TINCR: variants seen among roughly 807,000 people sequenced by gnomAD.
TINCR encodes the protein TINCR-encoded ubiquitin-like protein.
Position 5,565,805 on chromosome 19 carries a change from G to T in TINCR, c.260+1860C>A, listed in dbSNP as rs2052125538. ...GCTCGGTGACTCAAGCCTCTAGAGG[G>T]CTGGTGAATGTGACCCCCATAAAAT... On this transcript the variant is annotated intron_variant, in intron 1 of 1. Coordinates refer to ENST00000646160, the Ensembl canonical transcript of TINCR. The surrounding 1 kb of genome is among the most constrained non-coding windows in gnomAD (Gnocchi z 4.0). Among the ~76,000 whole-genome samples the T allele has an allele frequency of 6.6e-6, 1 of 152,154 alleles. No individual in the cohort carries two copies. The highest frequency in any genetic ancestry group is 1.5e-5 in the Non-Finnish European group (1 of 68,030).
intron 1 of TINCR, among the ~76,000 whole-genome samples, chr19:5,566,228 TAA>T (rs1395256529): frequency 1.3e-5 from 2 of 150,152 alleles, no homozygotes; most frequent in Non-Finnish European, 3.0e-5. Flanking sequence ...ACCAGAGAGA[TAA>T]AGAGACACAG....
rs117305966 is a variant in TINCR at position 5,565,516 on chromosome 19, C to T, written c.260+2149G>A. On this transcript the variant is annotated intron_variant, in intron 1 of 1. Transcript: ENST00000646160. The surrounding 1 kb of genome is among the most constrained non-coding windows in gnomAD (Gnocchi z 4.0). Reference sequence around the variant, plus strand: ...GCACACAGTAGGCACACAATAAATGCTGACTCTGTACTGCATAATTACAGT... The same window carrying T: ...GCACACAGTAGGCACACAATAAATGTTGACTCTGTACTGCATAATTACAGT... Among the ~76,000 whole-genome samples, 47 of 152,326 alleles carry T rather than the reference C, an allele frequency of 3.1e-4. No individual in the cohort carries two copies. In the East Asian group the frequency reaches 7.7e-3, roughly 25 times the overall value.
At chr19:5,558,744 T>C (rs1049200438), downstream of TINCR, 12 of 152,232 alleles carry the variant, frequency 7.9e-5, no homozygotes, top group African/African-American at 2.9e-4. Flanking sequence ...ATGGTGACAT[T>C]CAGTGGGGGC....
intron 1 of TINCR, 80 bp downstream of exon 1, chr19:5,567,585 G>T: frequency 2.7e-6 from 1 of 376,438 alleles, no homozygotes; most frequent in South Asian, 1.3e-4. Flanking sequence ...AGGCCGCCTT[G>T]GGCGCCCGCC....
chr19:5,567,649 C>T lies in TINCR; in HGVS notation c.260+16G>A, dbSNP rs2052138576. On this transcript the variant is annotated intron_variant, in intron 1 of 1. Transcript: ENST00000646160. ...CCGCCGCCCCCGCCCCACCCCACCC[C>T]GAGCCCCGCGGCCACCTGGGGTCGC... 2 of 357,472 alleles carry T rather than the reference C, an allele frequency of 5.6e-6. No individual in the cohort carries two copies. The highest frequency in any genetic ancestry group is 4.8e-5 in the Admixed American group (1 of 20,824). 22.1% of individuals were successfully genotyped at this position (357,472 alleles called of 1,614,324 possible). A position where few individuals can be genotyped will look rare whatever the true frequency, so the allele number is the denominator to read the frequency against.
intron 1 of TINCR, among the ~76,000 whole-genome samples, chr19:5,566,805 GAC>G (rs771505638): frequency 1.3e-5 from 2 of 151,758 alleles, no homozygotes; most frequent in Non-Finnish European, 2.9e-5. Flanking sequence ...GAGAGACAGA[GAC>G]ACACACACAG....
At position 5,563,448 on chromosome 19, in the gene TINCR, G is replaced by C. The variant is rs554746354; in HGVS notation, c.261-499C>G. The stretch of plus-strand genomic sequence containing the variant: ...ATAGAGGGGCTTGGGAGGAAGAGAG[G>C]AATAGACTGATGTCAATAAAATCAG... On this transcript the variant is annotated intron_variant, in intron 1 of 1. Coordinates refer to ENST00000646160, the Ensembl canonical transcript of TINCR. The surrounding 1 kb of genome is among the most constrained non-coding windows in gnomAD (Gnocchi z 4.7). Among the ~76,000 whole-genome samples the C allele has an allele frequency of 4.0e-4, 61 of 152,258 alleles. No homozygotes were observed. Among genetic ancestry groups the C allele is most frequent in the Non-Finnish European group, 7.9e-4 (54 of 68,010 alleles).
chr19:5,558,443 CCAAA>C (rs771015517), downstream of TINCR: 2 of 152,280 alleles, frequency 1.3e-5, no homozygotes, highest in African/African-American at 2.4e-5. Context: ...TAGGAGCTTG[CCAAA>C]CAAAGAAGGT....
In TINCR at chr19:5,566,186, CAGAGAA is replaced by C. The variant is rs554709357; in HGVS notation, c.260+1473_260+1478del. Among the ~76,000 whole-genome samples the C allele has an allele frequency of 1.3e-3, 192 of 152,036 alleles. 1 individual carries two copies. The highest frequency in any genetic ancestry group is 1.9e-3 in the Non-Finnish European group (132 of 67,984). On this transcript the variant is annotated intron_variant, in intron 1 of 1. Coordinates refer to ENST00000646160, the Ensembl canonical transcript of TINCR. ...GAAGAGAGAGACAGAGCTTCAGAGACAGAGAAAAACAGCAGAGAAAAATGCAGAGAC... is the reference window on the plus strand; with the variant it reads ...GAAGAGAGAGACAGAGCTTCAGAGACAAACAGCAGAGAAAAATGCAGAGAC...
At chr19:5,559,357 C>T (rs1423999858), downstream of TINCR, 1 of 140,506 alleles carries the variant, frequency 7.1e-6, no homozygotes, top group Non-Finnish European at 1.5e-5. Context: ...TTTTTTGAGA[C>T]GGAGTCTCGC....
chr19:5,566,384 G>C (rs1364608463), intron 1 of TINCR, among the ~76,000 whole-genome samples: 2 of 151,564 alleles, frequency 1.3e-5, no homozygotes, highest in Non-Finnish European at 2.9e-5. Flanking sequence ...GACACACAGA[G>C]AGAAAAAGAG....
intron 1 of TINCR, among the ~76,000 whole-genome samples, chr19:5,564,869 C>T (rs182551343): frequency 1.6e-4 from 24 of 152,240 alleles, no homozygotes; most frequent in Admixed American, 1.5e-3. Context: ...TGAACCATTG[C>T]GCCCAGCCAA....
chr19:5,566,368 A>C (rs1354845005), intron 1 of TINCR, among the ~76,000 whole-genome samples: 1 of 152,066 alleles, frequency 6.6e-6, no homozygotes, highest in Non-Finnish European at 1.5e-5. Context: ...ACAGAGAGAC[A>C]AAAGAGACAC....
Position 5,563,893 on chromosome 19 carries a change from C to T in TINCR, c.261-944G>A, listed in dbSNP as rs943788008. On this transcript the variant is annotated intron_variant, in intron 1 of 1. Transcript: ENST00000646160. This position sits in a 1 kb window ranked among gnomAD's most constrained non-coding sequence, Gnocchi z 4.7. Reference sequence around the variant, plus strand: ...TTGCGCCACTGCACTCCAGCCTGGGCGACAGAGCAAGACTCCCGTCTCAAA... The same window carrying T: ...TTGCGCCACTGCACTCCAGCCTGGGTGACAGAGCAAGACTCCCGTCTCAAA... Among the ~76,000 whole-genome samples the T allele has an allele frequency of 2.6e-5, 4 of 152,090 alleles. No homozygotes were observed. Among genetic ancestry groups the T allele is most frequent in the East Asian group, 1.9e-4 (1 of 5,164 alleles).
chr19:5,560,047 A>AC (rs1322674002), downstream of TINCR: 2 of 150,244 alleles, frequency 1.3e-5, no homozygotes, highest in African/African-American at 2.5e-5. This position sits in a 1 kb window ranked among gnomAD's most constrained non-coding sequence, Gnocchi z 4.5. Context: ...GGATAGGAAG[A>AC]CCCCCCTCCA....
chr19:5,558,522 G>C (rs549923802), downstream of TINCR: 1 of 152,476 alleles, frequency 6.6e-6, no homozygotes, highest in South Asian at 2.1e-4. Flanking sequence ...GGAGTAGCAG[G>C]AGAAAAACAG....
At chr19:5,559,157 A>T (rs1049518837), downstream of TINCR, 1 of 152,106 alleles carries the variant, frequency 6.6e-6, no homozygotes, top group Non-Finnish European at 1.5e-5. Context: ...CACCCTGAAA[A>T]TGCTTTCTCC....
chr19:5,567,649 C>CCCCCCCCCCCCCCCCCCCCGGGGGG lies in TINCR; in HGVS notation c.260+15_260+16insCCCCCCGGGGGGGGGGGGGGGGGGG. On this transcript the variant is annotated intron_variant, in intron 1 of 1. Coordinates refer to ENST00000646160, the Ensembl canonical transcript of TINCR. ...CCGCCGCCCCCGCCCCACCCCACCC[C>CCCCCCCCCCCCCCCCCCCCGGGGGG]GAGCCCCGCGGCCACCTGGGGTCGC... 8.6e-6 allele frequency: 3 copies of CCCCCCCCCCCCCCCCCCCCGGGGGG among 350,314 alleles called. No individual in the cohort carries two copies. Among genetic ancestry groups the CCCCCCCCCCCCCCCCCCCCGGGGGG allele is most frequent in the South Asian group, 1.4e-4 (1 of 7,310 alleles). 21.7% of individuals were successfully genotyped at this position (350,314 alleles called of 1,614,324 possible).
At position 5,565,388 on chromosome 19, in the gene TINCR, G is replaced by A. The variant is rs1415602633; in HGVS notation, c.260+2277C>T. The stretch of plus-strand genomic sequence containing the variant: ...CTGCATCCCCCACAGCGCCAATTGC[G>A]AGTTGACATTCTCCTGTGCTATTAT... On this transcript the variant is annotated intron_variant, in intron 1 of 1. Transcript: ENST00000646160. The surrounding 1 kb of genome is among the most constrained non-coding windows in gnomAD (Gnocchi z 4.0). Among the ~76,000 whole-genome samples the A allele has an allele frequency of 2.0e-5, 3 of 152,128 alleles. No homozygotes were observed. The highest frequency in any genetic ancestry group is 4.4e-5 in the Non-Finnish European group (3 of 68,032).
Sources: gnomAD v4.1 joint callset for allele counts (sites outside exome capture counted in the v4.1 genomes callset) on GRCh38, gnomAD v4.1.1 for gene constraint, Gnocchi (gnomAD v3.1) non-coding constraint, MANE v1.5 for transcripts, NCBI Gene and HGNC (gene_info 2026-07-23, HGNC 2026-07-21) for gene names.